SCN11A: variants seen among roughly 807,000 people sequenced by gnomAD.
The protein encoded by SCN11A is sodium channel protein type 11 subunit alpha.
In SCN11A, 122 loss-of-function variants were observed where a neutral mutation model predicts 162.2. The ratio of observed to expected loss-of-function variants is 0.75; its 90% CI spans 0.65 to 0.87. The LOEUF (loss-of-function observed/expected upper bound fraction) is 0.87, where lower values mean the gene tolerates loss of function less well. Among genes scored for constraint, SCN11A ranks in the 40% least tolerant of loss-of-function variants. SCN11A has a pLI of 0.00. For synonymous variants in SCN11A, 758 were observed against 751.5 expected (o/e 1.01, Z -0.14); for missense variants, 2,015 against 2,181.6 (o/e 0.92, Z 1.52).
intron 28 of SCN11A, among the ~76,000 whole-genome samples, chr3:38,851,577 T>A (rs1476622547): frequency 6.6e-6 from 1 of 152,232 alleles, no homozygotes; most frequent in African/African-American, 2.4e-5. Context: ...ACTTTGTTCT[T>A]CACTTTGTGG....
intron 19 of SCN11A, among the ~76,000 whole-genome samples, chr3:38,887,079 A>G (rs1308330013): frequency 6.6e-6 from 1 of 152,076 alleles, no homozygotes; most frequent in South Asian, 2.1e-4. Flanking sequence ...CCTTATGCAC[A>G]TTTATTTACC....
At chr3:39,023,647 CTTT>C (rs201923367) in intron 2 of SCN11A, among the ~76,000 whole-genome samples, 1 of 144,026 alleles carries the variant, frequency 6.9e-6, no homozygotes. Flanking sequence ...CCCCAACTTT[CTTT>C]TTTTTTTTTT....
chr3:38,871,271 A>G (rs1575226795), intron 25 of SCN11A, among the ~76,000 whole-genome samples, 174 bp downstream of exon 25: 1 of 152,350 alleles, frequency 6.6e-6, no homozygotes, highest in East Asian at 1.9e-4. Context: ...CAGTCAATGA[A>G]GTTGCAGATG....
chr3:38,933,281 G>C (rs1023477912), intron 7 of SCN11A, among the ~76,000 whole-genome samples: 1 of 152,200 alleles, frequency 6.6e-6, no homozygotes, highest in Admixed American at 6.5e-5. Flanking sequence ...GGAAAAAACA[G>C]AGCAGAAAAA....
At chr3:38,883,580 G>A (rs2065346370) in intron 21 of SCN11A, among the ~76,000 whole-genome samples, 193 bp from the exon 22 acceptor site, 1 of 152,128 alleles carries the variant, frequency 6.6e-6, no homozygotes, top group Non-Finnish European at 1.5e-5. Flanking sequence ...CCAATAGAGT[G>A]GAATGGAAGT....
intron 2 of SCN11A, among the ~76,000 whole-genome samples, chr3:38,984,844 GA>G: frequency 6.6e-6 from 1 of 152,244 alleles, no homozygotes; most frequent in Non-Finnish European, 1.5e-5. Flanking sequence ...GAAGGCACGC[GA>G]AAGTCTGGGG....
intron 11 of SCN11A, 64 bp downstream of exon 11, chr3:38,919,871 C>T: frequency 8.5e-7 from 1 of 1,173,274 alleles, no homozygotes; most frequent in Non-Finnish European, 1.3e-6. Flanking sequence ...AGACTGTTTG[C>T]CACACCATTC....
chr3:39,023,303 A>T (rs2031502314), intron 2 of SCN11A, among the ~76,000 whole-genome samples: 2 of 152,218 alleles, frequency 1.3e-5, no homozygotes, highest in Non-Finnish European at 2.9e-5. Flanking sequence ...AAAAGCATTT[A>T]AAAAGAAACT....
chr3:38,994,198 GA>G (rs2030539617), intron 2 of SCN11A, among the ~76,000 whole-genome samples: 1 of 152,156 alleles, frequency 6.6e-6, no homozygotes, highest in South Asian at 2.1e-4. Flanking sequence ...GATATACTTT[GA>G]TTGCAATTAT....
At position 39,021,094 on chromosome 3, in the gene SCN11A, T is replaced by C. The variant is rs180759632; in HGVS notation, c.-280+11286A>G. ...AAATTTTAATAAGTTTATTTGAGCA[T>C]TCAGCTATTTGTGGATGGGGCAGTA... On this transcript the variant is annotated intron_variant, in intron 2 of 29. Transcript: ENST00000302328. 1.2e-4 allele frequency among the ~76,000 whole-genome samples: 18 copies of C among 152,176 alleles called. 1 individual carries two copies. Among genetic ancestry groups the C allele is most frequent in the African/African-American group, 4.3e-4 (18 of 41,520 alleles).
chr3:39,029,431 A>AT (rs1037722423), intron 2 of SCN11A, among the ~76,000 whole-genome samples: 2 of 151,980 alleles, frequency 1.3e-5, no homozygotes, highest in Non-Finnish European at 2.9e-5. Context: ...TGCTTTTGGT[A>AT]TTTTTCATAT....
chr3:38,873,643 A>T (rs2065163213), intron 23 of SCN11A, among the ~76,000 whole-genome samples: 2 of 152,168 alleles, frequency 1.3e-5, no homozygotes, highest in African/African-American at 4.8e-5. Context: ...GTTGGTGAGA[A>T]GGGATGTTCC....
At chr3:39,021,454 A>G (rs566868605) in intron 2 of SCN11A, among the ~76,000 whole-genome samples, 1 of 152,326 alleles carries the variant, frequency 6.6e-6, no homozygotes, top group South Asian at 2.1e-4. Flanking sequence ...TATAGAGAGG[A>G]GTAAACAAGA....
chr3:38,853,556 C>G lies in SCN11A; in HGVS notation c.4057-2805G>C, dbSNP rs182831105. ...CTTTTTTAGTGCATCAAAAATACTT[C>G]ATTTTAGTGTGATGGACTCTGTTTG... On this transcript the variant is annotated intron_variant, in intron 28 of 29. Transcript: ENST00000302328. 1.5e-3 allele frequency among the ~76,000 whole-genome samples: 230 copies of G among 152,258 alleles called. 1 individual carries two copies. Among genetic ancestry groups the G allele is most frequent in the Non-Finnish European group, 1.5e-4 (10 of 68,008 alleles).
intron 28 of SCN11A, among the ~76,000 whole-genome samples, chr3:38,857,061 C>A (rs532066646): frequency 2.0e-5 from 3 of 152,040 alleles, no homozygotes; most frequent in Non-Finnish European, 4.4e-5. Flanking sequence ...GAAAAGGAAC[C>A]AGAAAAGTAA....
chr3:38,869,263 C>T (rs1398684255), intron 26 of SCN11A, among the ~76,000 whole-genome samples: 3 of 152,132 alleles, frequency 2.0e-5, no homozygotes, highest in Non-Finnish European at 4.4e-5. Flanking sequence ...CTTTCCTCCC[C>T]ACTCCCCATC....
intron 1 of SCN11A, among the ~76,000 whole-genome samples, chr3:39,038,931 C>T (rs1286219070): frequency 6.6e-6 from 1 of 152,190 alleles, no homozygotes; most frequent in South Asian, 2.1e-4. Flanking sequence ...CCTTTCTCTA[C>T]TAGCGATTCC....
Position 38,883,295 on chromosome 3 carries a change from C to T in SCN11A, c.3157G>A (p.Val1053Met). 1.2e-6 allele frequency: 2 copies of T among 1,613,976 alleles called. No individual in the cohort carries two copies. Among genetic ancestry groups the T allele is most frequent in the Non-Finnish European group, 1.7e-6 (2 of 1,179,872 alleles). Reference sequence around the variant, plus strand: ...AAGCTCTCAAACCAGCTGTGTTTCACTATTTGGTAGCAGGTTTTCCGCAGG... The same window carrying T: ...AAGCTCTCAAACCAGCTGTGTTTCATTATTTGGTAGCAGGTTTTCCGCAGG... Reference protein sequence around the residue: ...WNLRKTCYQIVKHSWFESFII... With the variant: ...WNLRKTCYQIMKHSWFESFII... The change falls in exon 22 of 30, where the codon GTG becomes ATG. Residue 1053 changes from valine (V) to methionine (M), a missense_variant. By Grantham distance (21) the Val-to-Met change is conservative (BLOSUM62 1). Transcript: ENST00000302328.
At chr3:38,964,603 G>A (rs1185127113) in intron 2 of SCN11A, among the ~76,000 whole-genome samples, 2 of 152,194 alleles carry the variant, frequency 1.3e-5, no homozygotes, top group Non-Finnish European at 2.9e-5. Context: ...CTGAAGCATA[G>A]AGGATGACTA....
Sources: gnomAD v4.1 joint callset for allele counts (sites outside exome capture counted in the v4.1 genomes callset) on GRCh38, gnomAD v4.1.1 for gene constraint, MANE v1.5 for transcripts, NCBI Gene and HGNC (gene_info 2026-07-23, HGNC 2026-07-21) for gene names.